The following TMEM116 variants were observed in gnomAD, a reference collection of about 807,000 sequenced individuals.
The protein encoded by TMEM116 is transmembrane protein 116.
Under a neutral mutation model 44.3 loss-of-function variants are expected in TMEM116, and 38 were observed. That is an observed-to-expected ratio of 0.86 (90% confidence interval 0.66 to 1.12). The LOEUF (loss-of-function observed/expected upper bound fraction) is 1.12, where lower values mean the gene tolerates loss of function less well. TMEM116 is among the 50% of genes most tolerant of loss of function. The probability of loss-of-function intolerance (pLI) is 0.00; values close to 1 mark genes in which losing one functional copy is unlikely to be tolerated. For missense variants in TMEM116, 354 were observed against 401.7 expected, an observed-to-expected ratio of 0.88 and a Z score of 1.01; for synonymous variants, 132 against 144.8, an observed-to-expected ratio of 0.91 and a Z score of 0.64.
At chr12:111,975,567 CG>C (rs1486661868) in intron 4 of TMEM116, among the ~76,000 whole-genome samples, 6 of 152,174 alleles carry the variant, frequency 3.9e-5, no homozygotes, top group African/African-American at 1.4e-4. Flanking sequence ...TTTCAAGAAA[CG>C]GTTTACAGCT....
At chr12:111,962,673 A>C (rs1269989326) in intron 4 of TMEM116, among the ~76,000 whole-genome samples, 18 of 152,238 alleles carry the variant, frequency 1.2e-4, no homozygotes, top group Non-Finnish European at 1.5e-5. Context: ...CTCAAGATGG[A>C]TTAAAGACTT....
intron 4 of TMEM116, among the ~76,000 whole-genome samples, chr12:111,949,773 C>T (rs1348046347): frequency 6.6e-6 from 1 of 152,120 alleles, no homozygotes; most frequent in Admixed American, 6.5e-5. Flanking sequence ...CAACCTTCTT[C>T]CATAAAATTA....
At chr12:112,008,085 C>A (rs529846290) in intron 1 of TMEM116, among the ~76,000 whole-genome samples, 2 of 152,084 alleles carry the variant, frequency 1.3e-5, no homozygotes, top group African/African-American at 4.8e-5. Flanking sequence ...CAGCAGGCTG[C>A]GGCAGGAGGA....
At chr12:111,943,125 A>C in intron 5 of TMEM116, 140 bp downstream of exon 5, 1 of 693,626 alleles carries the variant, frequency 1.4e-6, no homozygotes, top group Non-Finnish European at 2.5e-6. Flanking sequence ...GGCTTTCACC[A>C]CTTGCCCAGA....
intron 4 of TMEM116, among the ~76,000 whole-genome samples, chr12:111,957,239 C>G (rs537180726): frequency 2.0e-5 from 3 of 151,774 alleles, no homozygotes; most frequent in Non-Finnish European, 4.4e-5. Context: ...TCTGCCCCGC[C>G]GCCCCATCTG....
At chr12:111,956,366 C>A (rs1197734604) in intron 4 of TMEM116, among the ~76,000 whole-genome samples, 1 of 152,176 alleles carries the variant, frequency 6.6e-6, no homozygotes, top group Non-Finnish European at 1.5e-5. Flanking sequence ...CATCCTAAAC[C>A]TGGAAAGCAC....
At chr12:111,993,460 C>T in intron 3 of TMEM116, 1 of 560,988 alleles carries the variant, frequency 1.8e-6, no homozygotes, top group Non-Finnish European at 3.5e-6. Context: ...CATGTTATCT[C>T]TGGTGCACAT....
At chr12:112,004,343 C>T (rs1005525468) in intron 2 of TMEM116, among the ~76,000 whole-genome samples, 2 of 151,624 alleles carry the variant, frequency 1.3e-5, no homozygotes, top group Admixed American at 6.6e-5. Context: ...AGAGTACAGT[C>T]GTACAATCAT....
intron 4 of TMEM116, 48 bp downstream of exon 4, chr12:111,991,710 T>C (rs2076612636): frequency 1.3e-6 from 2 of 1,515,560 alleles, no homozygotes; most frequent in Non-Finnish European, 1.8e-6. Flanking sequence ...TATCTAGATC[T>C]GAGTGTGCCT....
chr12:112,013,194 T>TGC (rs1178587488), upstream of TMEM116: 1 of 419,270 alleles, frequency 2.4e-6, no homozygotes, highest in East Asian at 4.0e-5. Flanking sequence ...ACTCGGCGAG[T>TGC]GCGCGCGCGC....
At chr12:111,989,620 C>G (rs1426651861) in intron 4 of TMEM116, among the ~76,000 whole-genome samples, 1 of 152,130 alleles carries the variant, frequency 6.6e-6, no homozygotes, top group Non-Finnish European at 1.5e-5. Flanking sequence ...ACATAGTATT[C>G]ATGACATTTA....
chr12:112,001,421 C>A lies in TMEM116; in HGVS notation c.78+2379G>T, dbSNP rs561668626. Among the ~76,000 whole-genome samples, 41 of 152,218 alleles carry A rather than the reference C, an allele frequency of 2.7e-4. 1 individual carries two copies. In the South Asian group the frequency reaches 8.5e-3, roughly 32 times the overall value. ...CTTGAACTCCTGTGCTCAAGCAATC[C>A]CCACCTCAGCCTCCTGGGTAGCTAG... On this transcript the variant is annotated intron_variant, in intron 3 of 10. Transcript: ENST00000552374.
chr12:111,987,662 G>C lies in TMEM116; in HGVS notation c.210+4096C>G, dbSNP rs1231022313. Among the ~76,000 whole-genome samples, 3 of 152,152 alleles carry C rather than the reference G, an allele frequency of 2.0e-5. No individual in the cohort carries two copies. In the East Asian group the frequency reaches 5.8e-4, roughly 29 times the overall value. ...ATGAGATACCACTTTATACCCATTA[G>C]GATGGCTATTACTTAAAAAACAAAA... On this transcript the variant is annotated intron_variant, in intron 4 of 10. Transcript: ENST00000552374.
chr12:111,966,633 T>C (rs1447690050), intron 4 of TMEM116, among the ~76,000 whole-genome samples: 1 of 152,222 alleles, frequency 6.6e-6, no homozygotes, highest in African/African-American at 2.4e-5. Context: ...AATGGGGCTA[T>C]GGTTTGGTAC....
At chr12:111,947,014 C>T (rs2073338286) in intron 4 of TMEM116, among the ~76,000 whole-genome samples, 3 of 152,074 alleles carry the variant, frequency 2.0e-5, no homozygotes, top group Admixed American at 2.0e-4. Context: ...AATCATATTA[C>T]AGGTTTTTCT....
At chr12:111,980,544 G>A (rs2075881821) in intron 4 of TMEM116, among the ~76,000 whole-genome samples, 1 of 152,096 alleles carries the variant, frequency 6.6e-6, no homozygotes, top group Admixed American at 6.5e-5. Context: ...CACAAAGACT[G>A]AAACTTAGAG....
chr12:111,938,881 A>C (rs2072415138), intron 5 of TMEM116, among the ~76,000 whole-genome samples: 1 of 143,532 alleles, frequency 7.0e-6, no homozygotes, highest in Admixed American at 7.1e-5. Context: ...GCTTTTTTCT[A>C]ATTTAAGATA....
intron 3 of TMEM116, chr12:111,993,209 A>C (rs1407780059): frequency 2.5e-6 from 1 of 395,288 alleles, no homozygotes; most frequent in Non-Finnish European, 5.2e-6. Context: ...GTGGGGTCTT[A>C]GGTTGTGGTC....
intron 1 of TMEM116, chr12:112,005,833 A>T: frequency 2.3e-6 from 2 of 885,694 alleles, no homozygotes; most frequent in Non-Finnish European, 2.7e-6. Context: ...AGACTAGTAA[A>T]ACAGAGAAAC....
Sources: gnomAD v4.1 joint callset for allele counts (sites outside exome capture counted in the v4.1 genomes callset) on GRCh38, gnomAD v4.1.1 for gene constraint, MANE v1.5 for transcripts, NCBI Gene and HGNC (gene_info 2026-07-23, HGNC 2026-07-21) for gene names.